Variants in NXPH1 observed in about 807,000 individuals in gnomAD.
NXPH1 encodes the protein neurexophilin 1.
Under a neutral mutation model 23.7 loss-of-function variants are expected in NXPH1, and 5 were observed. That is an observed-to-expected ratio of 0.21 (90% CI 0.11 to 0.44). The LOEUF is 0.44. NXPH1 is among the 20% of genes least tolerant of loss of function. NXPH1 has a pLI of 0.99. For missense variants in NXPH1, 324 were observed against 321.6 expected, an observed-to-expected ratio of 1.01 and a Z score of -0.06; for synonymous variants, 144 against 122.2, an observed-to-expected ratio of 1.18 and a Z score of -1.18.
chr7:8,506,851 T>A (rs1009139138), intron 2 of NXPH1, among the ~76,000 whole-genome samples: 2 of 151,912 alleles, frequency 1.3e-5, no homozygotes, highest in African/African-American at 4.8e-5. Context: ...TGAGGCTCAA[T>A]GAAGAGGGTG....
At chr7:8,655,418 C>A (rs1165657492) in intron 2 of NXPH1, among the ~76,000 whole-genome samples, 1 of 12,696 alleles carries the variant, frequency 7.9e-5, no homozygotes, top group Admixed American at 1.5e-3. Flanking sequence ...CTCTCTCTCT[C>A]TCTCTCTCTC....
chr7:8,533,910 T>C (rs1817988305), intron 2 of NXPH1, among the ~76,000 whole-genome samples: 1 of 152,076 alleles, frequency 6.6e-6, no homozygotes, highest in South Asian at 2.1e-4. Flanking sequence ...GTTAGAAGTA[T>C]GCCTCAGTTC....
chr7:8,727,802 G>A lies in NXPH1; in HGVS notation c.55-23206G>A, dbSNP rs995815700. Among the ~76,000 whole-genome samples the A allele has an allele frequency of 1.9e-3, 286 of 152,204 alleles. 1 individual carries two copies. The highest frequency in any genetic ancestry group is 6.6e-3 in the African/African-American group (274 of 41,524). The stretch of plus-strand genomic sequence containing the variant: ...CTCCAGCTTTGTTCTTTTGGCTTAG[G>A]ATTGACTTGGTGATGCGGGCTCTTT... On this transcript the variant is annotated intron_variant, in intron 2 of 2. Coordinates refer to ENST00000405863, the MANE Select transcript of NXPH1 (RefSeq NM_152745.3).
intron 2 of NXPH1, among the ~76,000 whole-genome samples, chr7:8,608,523 A>G (rs1381341414): frequency 6.6e-6 from 1 of 152,054 alleles, no homozygotes; most frequent in Non-Finnish European, 1.5e-5. Context: ...TTAACAGATA[A>G]ATAAGAATGG....
chr7:8,624,857 C>T (rs1819953383), intron 2 of NXPH1, among the ~76,000 whole-genome samples: 1 of 152,028 alleles, frequency 6.6e-6, no homozygotes, highest in Admixed American at 6.6e-5. Context: ...TAGAGGGCTC[C>T]TCAGTGCAGT....
At chr7:8,642,487 G>A (rs1820332461) in intron 2 of NXPH1, among the ~76,000 whole-genome samples, 1 of 152,156 alleles carries the variant, frequency 6.6e-6, no homozygotes, top group Non-Finnish European at 1.5e-5. Flanking sequence ...TTTTGAGGAT[G>A]AGGGTGCTTA....
At chr7:8,504,707 A>G (rs575656836) in intron 2 of NXPH1, among the ~76,000 whole-genome samples, 1 of 152,118 alleles carries the variant, frequency 6.6e-6, no homozygotes, top group South Asian at 2.1e-4. Flanking sequence ...GATTTGGGGT[A>G]TTTGGGGTAA....
chr7:8,546,277 G>A (rs1296330105), intron 2 of NXPH1, among the ~76,000 whole-genome samples: 2 of 151,352 alleles, frequency 1.3e-5, no homozygotes, highest in Admixed American at 1.3e-4. Context: ...ATGACAAAGG[G>A]AAACTGAGTT....
intron 2 of NXPH1, among the ~76,000 whole-genome samples, chr7:8,581,768 G>A (rs987156626): frequency 6.6e-6 from 1 of 152,136 alleles, no homozygotes. Context: ...ACAAAGTAGC[G>A]ATATTCAGCT....
chr7:8,631,442 A>G (rs1820126599), intron 2 of NXPH1, among the ~76,000 whole-genome samples: 1 of 152,218 alleles, frequency 6.6e-6, no homozygotes, highest in Non-Finnish European at 1.5e-5. Context: ...TAATTAAACT[A>G]AAGAGCTGCA....
At chr7:8,685,391 A>G (rs1234126390) in intron 2 of NXPH1, among the ~76,000 whole-genome samples, 3 of 152,048 alleles carry the variant, frequency 2.0e-5, no homozygotes, top group African/African-American at 4.8e-5. Flanking sequence ...TTCACTTAAC[A>G]TAATGATCTC....
At chr7:8,585,377 C>T (rs188599274) in intron 2 of NXPH1, among the ~76,000 whole-genome samples, 12 of 152,074 alleles carry the variant, frequency 7.9e-5, no homozygotes, top group African/African-American at 2.9e-4. Flanking sequence ...ATAAACAATC[C>T]TTTATTATGG....
At chr7:8,648,481 C>T (rs1820432245) in intron 2 of NXPH1, among the ~76,000 whole-genome samples, 1 of 152,184 alleles carries the variant, frequency 6.6e-6, no homozygotes, top group Non-Finnish European at 1.5e-5. Context: ...CGCGTTGTTG[C>T]AAATGACTGG....
At chr7:8,726,601 T>C (rs1162878735) in intron 2 of NXPH1, among the ~76,000 whole-genome samples, 133 of 149,668 alleles carry the variant, frequency 8.9e-4, no homozygotes, top group African/African-American at 3.2e-3. Flanking sequence ...TTTTTTGTTC[T>C]TGTGATAGTT....
At chr7:8,631,533 G>A (rs1820129217) in intron 2 of NXPH1, among the ~76,000 whole-genome samples, 1 of 150,254 alleles carries the variant, frequency 6.7e-6, no homozygotes, top group Non-Finnish European at 1.5e-5. Flanking sequence ...ATCCAACAAA[G>A]GTCTAATATC....
chr7:8,567,905 C>T (rs772557144), intron 2 of NXPH1, among the ~76,000 whole-genome samples: 5 of 151,842 alleles, frequency 3.3e-5, no homozygotes, highest in Non-Finnish European at 1.5e-5. Flanking sequence ...GCAGTCTGAG[C>T]TAGGAGTGGC....
intron 2 of NXPH1, among the ~76,000 whole-genome samples, chr7:8,497,414 C>G (rs1817355895): frequency 6.6e-6 from 1 of 152,170 alleles, no homozygotes; most frequent in Admixed American, 6.5e-5. Flanking sequence ...ATTTCTAGTT[C>G]AAGATCCTTG....
intron 2 of NXPH1, among the ~76,000 whole-genome samples, chr7:8,652,078 A>G (rs925455718): frequency 2.0e-5 from 3 of 152,120 alleles, no homozygotes; most frequent in East Asian, 1.9e-4. Flanking sequence ...GCTTTCACCA[A>G]TTTACGAAGG....
intron 2 of NXPH1, among the ~76,000 whole-genome samples, chr7:8,630,045 C>T (rs1164558113): frequency 6.6e-6 from 1 of 152,026 alleles, no homozygotes; most frequent in East Asian, 1.9e-4. Context: ...ACATTTCACC[C>T]TTGGGTCTTA....
Sources: allele counts gnomAD v4.1 joint callset (sites outside exome capture counted in the v4.1 genomes callset), GRCh38; gene constraint gnomAD v4.1.1; transcripts MANE v1.5; gene names NCBI Gene and HGNC (gene_info 2026-07-23, HGNC 2026-07-21).